The following MMP25 variants were observed in gnomAD, a reference collection of about 807,000 sequenced individuals.
The protein encoded by MMP25 is matrix metalloproteinase-25.
In MMP25, 68 loss-of-function variants were observed where a neutral mutation model predicts 62.1. The ratio of observed to expected loss-of-function variants is 1.10; its 90% confidence interval spans 0.90 to 1.34. MMP25 has a LOEUF of 1.34. Among genes scored for constraint, MMP25 ranks in the 40% most tolerant of loss-of-function variants. MMP25 has a pLI of 0.00. For synonymous variants in MMP25, 407 were observed against 345.6 expected (o/e 1.18, Z -1.97); for missense variants, 942 against 792.5 (o/e 1.19, Z -2.26).
At position 3,059,099 on chromosome 16, in the gene MMP25, T is replaced by TG. The variant is rs1567130234; in HGVS notation, c.*7dup. On this transcript the variant is annotated 3_prime_UTR_variant, in exon 10 of 10. Transcript: ENST00000336577. Reference sequence around the variant, plus strand: ...GGTGGGGGGTGTAGCCTCCCGCTGATGGGGGGAGCCATCCAGACCGAACAG... The same window carrying TG: ...GGTGGGGGGTGTAGCCTCCCGCTGATGGGGGGGAGCCATCCAGACCGAACAG... 4 of 1,538,222 alleles carry TG rather than the reference T, an allele frequency of 2.6e-6. No homozygotes were observed. The highest frequency in any genetic ancestry group is 2.4e-5 in the South Asian group (2 of 82,726).
In MMP25 at chr16:3,058,894, G is replaced by A. The variant is rs1366103320; in HGVS notation, c.1485G>A (p.Pro495=). The A allele has an allele frequency of 1.9e-6, 3 of 1,555,480 alleles. No individual in the cohort carries two copies. The highest frequency in any genetic ancestry group is 1.4e-5 in the African/African-American group (1 of 73,726). Residue 495 remains proline (P), a synonymous_variant, in exon 10 of 10, where the codon CCG becomes CCA. Coordinates refer to ENST00000336577, the MANE Select transcript of MMP25 (RefSeq NM_022468.5). ...RFPKNSIKTE[P]DAPQPMGPNW... is the part of the protein sequence containing the mutation. Reference sequence around the variant, plus strand: ...CCAAGAACAGCATCAAGACCGAGCCGGACGCCCCCCAGCCCATGGGGCCCA... The same window carrying A: ...CCAAGAACAGCATCAAGACCGAGCCAGACGCCCCCCAGCCCATGGGGCCCA...
In MMP25 at chr16:3,054,819, G is replaced by A. The variant is rs374784633; in HGVS notation, c.662-2214G>A. Reference sequence around the variant, plus strand: ...ATGGACAGATGCATGCACAGAGGCGGGGATGGATGGACGGACGGATGCATG... The same window carrying A: ...ATGGACAGATGCATGCACAGAGGCGAGGATGGATGGACGGACGGATGCATG... On this transcript the variant is annotated intron_variant, in intron 4 of 9. Transcript: ENST00000336577. 1.3e-5 allele frequency: 2 copies of A among 154,590 alleles called. 1 individual carries two copies. Among genetic ancestry groups the A allele is most frequent in the African/African-American group, 4.8e-5 (2 of 41,390 alleles). The allele number at this position is 154,590 out of a possible 1,614,324, so 9.6% of individuals were successfully genotyped here. A position where few individuals can be genotyped will look rare whatever the true frequency, so the allele number is the denominator to read the frequency against.
At position 3,058,321 on chromosome 16, in the gene MMP25, C is replaced by A. The variant is rs1317197379; in HGVS notation, c.1147C>A (p.Leu383Ile). The A allele has an allele frequency of 6.3e-7, 1 of 1,594,278 alleles. No homozygotes were observed. The highest frequency in any genetic ancestry group is 2.3e-5 in the East Asian group (1 of 43,910). Residue 383 changes from leucine to isoleucine, a missense_variant, in exon 8 of 10, where the codon CTC becomes ATC. Leu to Ile is a conservative substitution (Grantham distance 5). Transcript: ENST00000336577. ...AYARHRDGRILLFSGPQFWVF... is the reference protein window; with the variant it reads ...AYARHRDGRIILFSGPQFWVF... Reference sequence around the variant, plus strand: ...TGCTCGGCACCGAGACGGCCGAATCCTCCTCTTTAGCGGTGAGTGGGGCCG... The same window carrying A: ...TGCTCGGCACCGAGACGGCCGAATCATCCTCTTTAGCGGTGAGTGGGGCCG...
rs117668451 is a variant in MMP25, at chr16:3,060,435, G to C, written c.*1337G>C. On this transcript the variant is annotated 3_prime_UTR_variant, in exon 10 of 10. Coordinates refer to ENST00000336577, the MANE Select transcript of MMP25 (RefSeq NM_022468.5). Reference sequence around the variant, plus strand: ...GAACCCCATGGGTAGAGTCACTTAGGGGCCACTTCCTAAGTTGCTGTCCAG... The same window carrying C: ...GAACCCCATGGGTAGAGTCACTTAGCGGCCACTTCCTAAGTTGCTGTCCAG... 0.028 allele frequency: 4,332 copies of C among 152,178 alleles called. 99 individuals carry two copies. The highest frequency in any genetic ancestry group is 0.042 in the Non-Finnish European group (2,823 of 68,010). The allele number at this position is 152,178 out of a possible 1,614,324, so 9.4% of individuals were successfully genotyped here. A position where few individuals can be genotyped will look rare whatever the true frequency, so the allele number is the denominator to read the frequency against.
At chr16:3,048,475 G>A (rs923091280) in intron 2 of MMP25, among the ~76,000 whole-genome samples, 3 of 152,198 alleles carry the variant, frequency 2.0e-5, no homozygotes, top group Non-Finnish European at 2.9e-5. Flanking sequence ...TTCAGATGGC[G>A]GTGAGTGTTT....
intron 7 of MMP25, 109 bp from the exon 8 acceptor site, chr16:3,058,072 T>C (rs955125057): frequency 2.2e-6 from 3 of 1,345,312 alleles, no homozygotes; most frequent in Non-Finnish European, 3.1e-6. Flanking sequence ...CCTAGATCCA[T>C]TGCGCCCTTG....
intron 2 of MMP25, 89 bp from the exon 3 acceptor site, chr16:3,049,920 T>C (rs532728992): frequency 6.3e-7 from 1 of 1,578,650 alleles, no homozygotes; most frequent in South Asian, 1.1e-5. Context: ...TGAGCCTCAG[T>C]TTTCCCATGT....
Position 3,050,667 on chromosome 16 carries a change from G to A in MMP25, c.661+121G>A, listed in dbSNP as rs1328756229. ...CTTGCTCTGTTGCTCAGGCTAGAGT[G>A]CAGTGGTGCAATCATAGCTAACTGC... On this transcript the variant is annotated intron_variant, in intron 4 of 9. Coordinates refer to ENST00000336577, the MANE Select transcript of MMP25 (RefSeq NM_022468.5). 3.8e-6 allele frequency: 4 copies of A among 1,044,432 alleles called. No homozygotes were observed. The African/African-American group carries it at 4.9e-5, about 13-fold the overall frequency. The allele number at this position is 1,044,432 out of a possible 1,614,324, so 64.7% of individuals were successfully genotyped here. A position where few individuals can be genotyped will look rare whatever the true frequency, so the allele number is the denominator to read the frequency against.
At chr16:3,058,125 G>T in intron 7 of MMP25, 56 bp from the exon 8 acceptor site, 1 of 1,593,708 alleles carries the variant, frequency 6.3e-7, no homozygotes, top group East Asian at 2.3e-5. Flanking sequence ...CACACCCTGG[G>T]GGAGGAGACC....
chr16:3,050,232 C>T, intron 3 of MMP25, 22 bp from the exon 4 acceptor site: 4 of 1,580,000 alleles, frequency 2.5e-6, no homozygotes, highest in Non-Finnish European at 3.5e-6. Context: ...GCCACCCTTA[C>T]ACCTCACTCC....
chr16:3,050,103 T>C lies in MMP25; in HGVS notation c.327T>C (p.Ala109=), dbSNP rs1188369911. ...AGLVRRRRRY[A]LSGSVWKKRT... ...TGGTCAGGCGGCGTCGCCGGTACGCTCTGAGCGGCAGCGTGTGGAAGAAGC... is the reference window on the plus strand; with the variant it reads ...TGGTCAGGCGGCGTCGCCGGTACGCCCTGAGCGGCAGCGTGTGGAAGAAGC... The change falls in exon 3 of 10, where the codon GCT becomes GCC. Residue 109 remains alanine, a synonymous_variant. Transcript: ENST00000336577. 5 of 1,611,140 alleles carry C rather than the reference T, an allele frequency of 3.1e-6. No homozygotes were observed. Among genetic ancestry groups the C allele is most frequent in the Admixed American group, 3.3e-5 (2 of 59,974 alleles).
rs952862602 is a variant in MMP25, at chr16:3,046,716, T to C, written c.-202T>C. On this transcript the variant is annotated 5_prime_UTR_variant, in exon 1 of 10. Transcript: ENST00000336577. ...CCCACCCGACCCAGCGGCGCGACCC[T>C]GGCCCTCCGGGACCCTCCGCTGACT... The C allele has an allele frequency of 2.2e-5, 9 of 405,404 alleles. 1 individual carries two copies. The Admixed American group carries it at 4.1e-4, about 18-fold the overall frequency. 25.1% of individuals were successfully genotyped at this position (405,404 alleles called of 1,614,324 possible).
chr16:3,055,786 C>A lies in MMP25; in HGVS notation c.662-1247C>A, dbSNP rs985466723. On this transcript the variant is annotated intron_variant, in intron 4 of 9. Coordinates refer to ENST00000336577, the MANE Select transcript of MMP25 (RefSeq NM_022468.5). ...CATCCGCATGGGGTAACTGGGGCCT[C>A]CCTGTGGTGCTGCGGGGCTGTGTCT... The A allele has an allele frequency of 3.5e-5, 16 of 454,110 alleles. No homozygotes were observed. In the Admixed American group the frequency reaches 3.5e-4, roughly 10 times the overall value. The allele number at this position is 454,110 out of a possible 1,614,324, so 28.1% of individuals were successfully genotyped here. A position where few individuals can be genotyped will look rare whatever the true frequency, so the allele number is the denominator to read the frequency against.
chr16:3,057,841 G>A (rs1480346056), intron 7 of MMP25: 1 of 597,404 alleles, frequency 1.7e-6, no homozygotes, highest in African/African-American at 1.9e-5. Context: ...TGGGACCACA[G>A]GCACATGCCA....
At chr16:3,047,037 C>A in intron 1 of MMP25, 21 bp downstream of exon 1, 1 of 1,422,460 alleles carries the variant, frequency 7.0e-7, no homozygotes, top group Non-Finnish European at 9.1e-7. Context: ...GGTCCGCAGG[C>A]TCCTGGGGTC....
chr16:3,057,229 C>T lies in MMP25; in HGVS notation c.838+20C>T, dbSNP rs762675706. On this transcript the variant is annotated intron_variant, in intron 5 of 9. Transcript: ENST00000336577. Reference sequence around the variant, plus strand: ...TCTATGGTAGGGGGAGAGGGACCTGCCGCGAAACCATCATTGCCCCATCCA... The same window carrying T: ...TCTATGGTAGGGGGAGAGGGACCTGTCGCGAAACCATCATTGCCCCATCCA... The T allele has an allele frequency of 5.0e-6, 8 of 1,613,346 alleles. No individual in the cohort carries two copies. Among genetic ancestry groups the T allele is most frequent in the African/African-American group, 1.3e-5 (1 of 74,898 alleles).
intron 2 of MMP25, among the ~76,000 whole-genome samples, chr16:3,049,494 C>T (rs539248231): frequency 3.2e-4 from 48 of 152,296 alleles, no homozygotes; most frequent in African/African-American, 1.1e-3. Flanking sequence ...GGGGATGGAG[C>T]CCAGCTGGGA....
intron 2 of MMP25, among the ~76,000 whole-genome samples, chr16:3,048,626 G>C (rs1031844370): frequency 2.6e-5 from 4 of 152,072 alleles, no homozygotes; most frequent in Non-Finnish European, 5.9e-5. Context: ...CCGGGCAAGT[G>C]CAAAGACCCC....
At chr16:3,058,368 G>T (rs1956051646) in intron 8 of MMP25, 35 bp downstream of exon 8, 1 of 1,504,354 alleles carries the variant, frequency 6.6e-7, no homozygotes, top group Non-Finnish European at 8.9e-7. Flanking sequence ...CGCTGGGGCC[G>T]GCGCGGGGAG....
Sources: gnomAD v4.1 joint callset for allele counts (sites outside exome capture counted in the v4.1 genomes callset) on GRCh38, gnomAD v4.1.1 for gene constraint, MANE v1.5 for transcripts, NCBI Gene and HGNC (gene_info 2026-07-23, HGNC 2026-07-21) for gene names.